ING5: variants seen among roughly 807,000 people sequenced by gnomAD.
ING5 encodes the protein inhibitor of growth family member 5, also known as inhibitor of growth protein 5.
Under a neutral mutation model 37.4 loss-of-function variants are expected in ING5, and 17 were observed. The observed-to-expected ratio is 0.45, with a 90% CI of 0.31 to 0.68. The LOEUF (loss-of-function observed/expected upper bound fraction) is 0.68. Ranked by LOEUF, ING5 falls within the 30% of genes least tolerant of loss-of-function variation. ING5 has a pLI of 0.05. For missense variants in ING5, 233 were observed against 311.9 expected (o/e 0.75, Z 1.91); for synonymous variants, 123 against 116.6 (o/e 1.06, Z -0.36).
chr2:241,718,718 T>G (rs1446321810), intron 5 of ING5, among the ~76,000 whole-genome samples: 1 of 152,150 alleles, frequency 6.6e-6, no homozygotes, highest in African/African-American at 2.4e-5. Context: ...TGCCCGGCCC[T>G]AAGTTAGTTT....
rs2070127576 is a variant in ING5 at position 241,712,061 on chromosome 2, C to T, written c.472C>T (p.His158Tyr). 4 of 1,609,530 alleles carry T rather than the reference C, an allele frequency of 2.5e-6. No individual in the cohort carries two copies. Among genetic ancestry groups the T allele is most frequent in the African/African-American group, 1.3e-5 (1 of 74,882 alleles). ...SEEDTPKKKK[H>Y]KGGSEFTDTI... ...GGAAGACACACCAAAGAAAAAGAAG[C>T]ACAAAGGAGGGTAAGAGGCTTTCCC... The change falls in exon 5 of 8, where the codon CAC (histidine) becomes TAC (tyrosine). Residue 158 changes from histidine (H) to tyrosine (Y), a missense_variant. Around this residue, in one of 4 missense-constraint regions of ING5, gnomAD observed 76 missense variants for 68.2 expected, o/e 1.11. Coordinates refer to ENST00000313552, the MANE Select transcript of ING5 (RefSeq NM_032329.6).
chr2:241,728,985 C>G lies in ING5; in HGVS notation c.*3954C>G, dbSNP rs1691722471. 1 of 152,266 alleles carries G rather than the reference C, an allele frequency of 6.6e-6. No homozygotes were observed. The highest frequency in any genetic ancestry group is 2.1e-4 in the South Asian group (1 of 4,838). The allele number at this position is 152,266 out of a possible 1,614,324, so 9.4% of individuals were successfully genotyped here. On this transcript the variant is annotated 3_prime_UTR_variant, in exon 8 of 8. Coordinates refer to ENST00000313552, the MANE Select transcript of ING5 (RefSeq NM_032329.6). ...GAGCCCTGGCTGGGGCTGCTTTGAG[C>G]AATGACGCTGGCCCAGAGCAGCTTC...
intron 5 of ING5, chr2:241,722,611 G>C (rs369843138): frequency 1.2e-5 from 12 of 984,962 alleles, no homozygotes; most frequent in Non-Finnish European, 1.4e-5. Flanking sequence ...CGCCTTCTTA[G>C]AACATTGCGT....
At chr2:241,698,142 T>G (rs1471213316), upstream of ING5, among the ~76,000 whole-genome samples, 1 of 130,270 alleles carries the variant, frequency 7.7e-6, no homozygotes, top group Non-Finnish European at 1.6e-5. Context: ...ATGATGGACT[T>G]TGGTTAATAA....
At position 241,711,217 on chromosome 2, in the gene ING5, A is replaced by G. The variant is rs569419486; in HGVS notation, c.277-160A>G. On this transcript the variant is annotated intron_variant, in intron 3 of 7. Coordinates refer to ENST00000313552, the MANE Select transcript of ING5 (RefSeq NM_032329.6). Reference sequence around the variant, plus strand: ...TGCAGAAAAAGCACAAGACCCTTGCATGGACTTTGAAATAGTGGGCCTTGT... The same window carrying G: ...TGCAGAAAAAGCACAAGACCCTTGCGTGGACTTTGAAATAGTGGGCCTTGT... Among the ~76,000 whole-genome samples, 6 of 152,362 alleles carry G rather than the reference A, an allele frequency of 3.9e-5. No individual in the cohort carries two copies. In the South Asian group the frequency reaches 6.2e-4, roughly 16 times the overall value.
At chr2:241,690,449 C>T (rs1305129415) in exon 2 of ING5, 1 of 393,778 alleles carries the variant, frequency 2.5e-6, no homozygotes. Context: ...TAGCAGTTCT[C>T]TTGGTGTTCC....
rs536695614 is a variant in ING5, at chr2:241,720,358, C to T, written c.483-2581C>T. The T allele has an allele frequency of 1.6e-5, 19 of 1,196,270 alleles. No homozygotes were observed. In the East Asian group the frequency reaches 3.1e-4, roughly 20 times the overall value. 74.1% of individuals were successfully genotyped at this position (1,196,270 alleles called of 1,614,324 possible). ...TCCTGTTCCCTGCTGGGGACCCAGGCGCACGCACCATCCTGTCCCTGTGGA... is the reference window on the plus strand; with the variant it reads ...TCCTGTTCCCTGCTGGGGACCCAGGTGCACGCACCATCCTGTCCCTGTGGA... On this transcript the variant is annotated intron_variant, in intron 5 of 7. Coordinates refer to ENST00000313552, the MANE Select transcript of ING5 (RefSeq NM_032329.6).
intron 1 of ING5, among the ~76,000 whole-genome samples, chr2:241,702,309 G>C (rs899940966): frequency 4.0e-5 from 6 of 150,102 alleles, no homozygotes; most frequent in Admixed American, 2.6e-4. Flanking sequence ...GGTCCCGCCG[G>C]CTGGGTCGCG....
In ING5 at chr2:241,727,610, C is replaced by A; in HGVS notation, c.*2579C>A. 6.6e-6 allele frequency: 1 copy of A among 152,374 alleles called. No individual in the cohort carries two copies. Among genetic ancestry groups the A allele is most frequent in the Non-Finnish European group, 1.5e-5 (1 of 68,056 alleles). The allele number at this position is 152,374 out of a possible 1,614,324, so 9.4% of individuals were successfully genotyped here. ...GATGACAGGCATGAGCCACCGCACC[C>A]GGCCAACACAGATGTTTATTGATCG... On this transcript the variant is annotated 3_prime_UTR_variant, in exon 8 of 8. Transcript: ENST00000313552.
chr2:241,698,573 C>A (rs1050935139), upstream of ING5, among the ~76,000 whole-genome samples: 2 of 150,254 alleles, frequency 1.3e-5, no homozygotes, highest in Non-Finnish European at 3.0e-5. Flanking sequence ...TTCTCTTCAA[C>A]TTTTCAATAA....
intron 5 of ING5, among the ~76,000 whole-genome samples, chr2:241,719,041 G>A (rs976366286): frequency 1.7e-4 from 26 of 152,244 alleles, no homozygotes; most frequent in African/African-American, 5.8e-4. Context: ...AGGGCTGGGG[G>A]CCTGGGGCGG....
chr2:241,687,025 C>G (rs138371310), upstream of ING5: 1,656 of 512,568 alleles, frequency 3.2e-3, 24 homozygotes, highest in African/African-American at 0.031. Context: ...GCCCCGTGTC[C>G]CGTGCGGGCC....
intron 3 of ING5, among the ~76,000 whole-genome samples, chr2:241,709,602 C>T (rs1215313078): frequency 7.2e-6 from 1 of 139,724 alleles, no homozygotes; most frequent in Non-Finnish European, 1.5e-5. Flanking sequence ...TGTATCTGCT[C>T]GGAGGAACCA....
upstream of ING5, among the ~76,000 whole-genome samples, chr2:241,698,208 G>A (rs1250469045): frequency 6.6e-6 from 1 of 152,036 alleles, no homozygotes; most frequent in Non-Finnish European, 1.5e-5. Flanking sequence ...ACTTTGGGAG[G>A]CCAAGGCAGG....
chr2:241,702,471 C>A (rs1028424580), intron 1 of ING5, among the ~76,000 whole-genome samples: 22 of 152,186 alleles, frequency 1.4e-4, no homozygotes, highest in Admixed American at 1.2e-3. Context: ...AGGTCCCGCC[C>A]GTCCCTGTCC....
At chr2:241,688,994 G>A (rs947805336) in intron 1 of ING5, among the ~76,000 whole-genome samples, 1 of 152,014 alleles carries the variant, frequency 6.6e-6, no homozygotes. Flanking sequence ...GTAGAGACGG[G>A]GTTTCACCGT....
At chr2:241,716,013 G>A (rs1006614193) in intron 5 of ING5, among the ~76,000 whole-genome samples, 34 of 151,502 alleles carry the variant, frequency 2.2e-4, no homozygotes, top group African/African-American at 7.3e-4. Context: ...GGCTGGTCTC[G>A]AACTCCTGAC....
chr2:241,719,954 CTT>C (rs2070387708), intron 5 of ING5: 1 of 1,277,928 alleles, frequency 7.8e-7, no homozygotes, highest in Admixed American at 3.7e-5. Flanking sequence ...GTGTGAATCT[CTT>C]TCTTCTCTGT....
intron 5 of ING5, among the ~76,000 whole-genome samples, chr2:241,716,532 T>C (rs2070276403): frequency 2.6e-5 from 4 of 151,680 alleles, no homozygotes; most frequent in South Asian, 4.2e-4. Flanking sequence ...TGACCCCAAG[T>C]GATCCACCCA....
Sources: gnomAD v4.1 joint callset for allele counts (sites outside exome capture counted in the v4.1 genomes callset) on GRCh38, gnomAD v4.1.1 for gene constraint, gnomAD v4.1.1 regional missense constraint, MANE v1.5 for transcripts, NCBI Gene and HGNC (gene_info 2026-07-23, HGNC 2026-07-21) for gene names.